FRMD5: variants seen among roughly 807,000 people sequenced by gnomAD.
FRMD5 encodes the protein FERM domain containing 5.
In FRMD5, 20 loss-of-function variants were observed where a neutral mutation model predicts 69.0. That is an observed-to-expected ratio of 0.29 (90% CI 0.20 to 0.42). The LOEUF (loss-of-function observed/expected upper bound fraction) is 0.42. FRMD5 is among the 10% of genes least tolerant of loss of function. FRMD5 has a pLI of 1.00. For missense variants in FRMD5, 595 were observed against 708.6 expected, an observed-to-expected ratio of 0.84 and a Z score of 1.82; for synonymous variants, 271 against 260.1, an observed-to-expected ratio of 1.04 and a Z score of -0.40.
At position 44,097,100 on chromosome 15, in the gene FRMD5, C is replaced by T. The variant is rs546700680; in HGVS notation, c.102+97853G>A. Among the ~76,000 whole-genome samples the T allele has an allele frequency of 2.0e-4, 31 of 152,294 alleles. 1 individual carries two copies. Among genetic ancestry groups the T allele is most frequent in the Non-Finnish European group, 8.8e-5 (6 of 68,036 alleles). On this transcript the variant is annotated intron_variant, in intron 1 of 13. Coordinates refer to ENST00000417257, the MANE Select transcript of FRMD5 (RefSeq NM_032892.5). ...AATGTAATGATGCAAAATTATAATG[C>T]TATCATTTTAGTATGGAACATGCAG... is the stretch of plus-strand genomic sequence containing the variant.
intron 5 of FRMD5, among the ~76,000 whole-genome samples, chr15:43,906,937 C>A (rs2089190924): frequency 6.6e-6 from 1 of 152,128 alleles, no homozygotes; most frequent in African/African-American, 2.4e-5. Flanking sequence ...TTCTCAAGTC[C>A]CTGCCAGGTG....
At chr15:44,135,823 CAAAA>C (rs747196640) in intron 1 of FRMD5, among the ~76,000 whole-genome samples, 1 of 70,936 alleles carries the variant, frequency 1.4e-5, no homozygotes, top group African/African-American at 4.3e-5. Context: ...GACTCTGTCT[CAAAA>C]AAAAAAAAAA....
At chr15:44,064,680 A>G (rs962003210) in intron 1 of FRMD5, among the ~76,000 whole-genome samples, 4 of 152,236 alleles carry the variant, frequency 2.6e-5, no homozygotes, top group East Asian at 1.9e-4. Context: ...TACTGAAATA[A>G]TATCAGAAAG....
chr15:43,944,643 G>A (rs2089914694), intron 1 of FRMD5, among the ~76,000 whole-genome samples: 1 of 151,718 alleles, frequency 6.6e-6, no homozygotes, highest in Admixed American at 6.6e-5. Context: ...AGGCTGGAGT[G>A]CAGTAGCATG....
Position 44,194,909 on chromosome 15 carries a change from G to T in FRMD5, c.102+44C>A, listed in dbSNP as rs969817845. On this transcript the variant is annotated intron_variant, in intron 1 of 13. Coordinates refer to ENST00000417257, the MANE Select transcript of FRMD5 (RefSeq NM_032892.5). Reference sequence around the variant, plus strand: ...CCGGCCAAGTTGACCAGACTTGGGGGACAAGGGGGTCCCGCGGGCGGGGCG... The same window carrying T: ...CCGGCCAAGTTGACCAGACTTGGGGTACAAGGGGGTCCCGCGGGCGGGGCG... 4 of 1,469,892 alleles carry T rather than the reference G, an allele frequency of 2.7e-6. No individual in the cohort carries two copies. In the African/African-American group the frequency reaches 5.7e-5, roughly 21 times the overall value. 91.1% of individuals were successfully genotyped at this position (1,469,892 alleles called of 1,614,324 possible). A position where few individuals can be genotyped will look rare whatever the true frequency, so the allele number is the denominator to read the frequency against.
In FRMD5 at chr15:43,905,930, G is replaced by A; in HGVS notation, c.449C>T (p.Ser150Leu). The A allele has an allele frequency of 6.2e-7, 1 of 1,614,190 alleles. No homozygotes were observed. The highest frequency in any genetic ancestry group is 8.5e-7 in the Non-Finnish European group (1 of 1,180,010). Residue 150 changes from serine (S) to leucine (L), a missense_variant, in exon 6 of 14, where the codon TCA becomes TTA. Ser to Leu is a moderately radical substitution (Grantham distance 145). Around this residue, in one of 5 missense-constraint regions of FRMD5, gnomAD observed 51 missense variants for 41.7 expected, o/e 1.22. Coordinates refer to ENST00000417257, the MANE Select transcript of FRMD5 (RefSeq NM_032892.5). ...ILQAEIGDYD[S>L]GKHPEGYSSK... ...GCTGTAGCCTTCAGGGTGTTTCCCT[G>A]AGTCATAATCCCCAATCTCCGCTTT...
At chr15:44,163,684 C>A (rs749581882) in intron 1 of FRMD5, among the ~76,000 whole-genome samples, 1 of 152,142 alleles carries the variant, frequency 6.6e-6, no homozygotes, top group Non-Finnish European at 1.5e-5. Flanking sequence ...CTGCATGAAA[C>A]AAAACGTCCA....
At chr15:44,028,731 C>A (rs1891548201) in intron 1 of FRMD5, among the ~76,000 whole-genome samples, 1 of 152,158 alleles carries the variant, frequency 6.6e-6, no homozygotes, top group Non-Finnish European at 1.5e-5. Flanking sequence ...CCTACAGCCA[C>A]ATATTTCAGC....
At chr15:43,973,868 C>A (rs1404480042) in intron 1 of FRMD5, among the ~76,000 whole-genome samples, 1 of 150,542 alleles carries the variant, frequency 6.6e-6, no homozygotes, top group Non-Finnish European at 1.5e-5. Flanking sequence ...TTCAAACATT[C>A]TCCTACTAAG....
At chr15:43,993,436 G>T (rs754066275) in intron 1 of FRMD5, among the ~76,000 whole-genome samples, 1 of 151,984 alleles carries the variant, frequency 6.6e-6, no homozygotes, top group Non-Finnish European at 1.5e-5. Context: ...CTCGTGATCC[G>T]CCCGCCTTGG....
At chr15:44,118,865 T>C (rs1179612901) in intron 1 of FRMD5, among the ~76,000 whole-genome samples, 1 of 152,176 alleles carries the variant, frequency 6.6e-6, no homozygotes, top group East Asian at 1.9e-4. Context: ...AGCCTCGACC[T>C]CCTGTGCTCA....
chr15:44,113,128 A>C (rs2140599821), intron 1 of FRMD5, among the ~76,000 whole-genome samples: 1 of 152,278 alleles, frequency 6.6e-6, no homozygotes, highest in Middle Eastern at 3.4e-3. Flanking sequence ...TCCCTCACAA[A>C]CAGGGTATGA....
intron 13 of FRMD5, among the ~76,000 whole-genome samples, chr15:43,878,781 C>T (rs1241205218): frequency 6.6e-6 from 1 of 152,148 alleles, no homozygotes; most frequent in Non-Finnish European, 1.5e-5. Flanking sequence ...CGATTACACC[C>T]CTCAGCTTGT....
chr15:43,990,089 G>C (rs1889598841), intron 1 of FRMD5: 1 of 682,382 alleles, frequency 1.5e-6, no homozygotes, highest in South Asian at 1.4e-5. Context: ...ACAATGAAGG[G>C]GAAGATGGCC....
intron 1 of FRMD5, among the ~76,000 whole-genome samples, chr15:44,138,807 C>T (rs2077223618): frequency 6.6e-6 from 1 of 152,076 alleles, no homozygotes; most frequent in African/African-American, 2.4e-5. Context: ...ATGGATGAAC[C>T]TTGAAAACAT....
At chr15:44,196,891 T>G (rs994331554), upstream of FRMD5, among the ~76,000 whole-genome samples, 1 of 152,082 alleles carries the variant, frequency 6.6e-6, no homozygotes, top group Non-Finnish European at 1.5e-5. Flanking sequence ...GATTCTCTTT[T>G]CAATGCAATT....
At chr15:44,054,852 A>G (rs1230455150) in intron 1 of FRMD5, among the ~76,000 whole-genome samples, 1 of 151,904 alleles carries the variant, frequency 6.6e-6, no homozygotes, top group Non-Finnish European at 1.5e-5. Flanking sequence ...CGGGCACATC[A>G]CGAGGTCAGG....
At chr15:44,046,683 T>C (rs145179775) in intron 1 of FRMD5, among the ~76,000 whole-genome samples, 122 of 152,356 alleles carry the variant, frequency 8.0e-4, no homozygotes, top group Middle Eastern at 3.4e-3. Context: ...TTTCCAAGAA[T>C]AGCAATGGTC....
At chr15:44,154,758 G>T (rs971777321) in intron 1 of FRMD5, among the ~76,000 whole-genome samples, 2 of 152,156 alleles carry the variant, frequency 1.3e-5, no homozygotes, top group Non-Finnish European at 2.9e-5. Context: ...AAGTAGATTA[G>T]TCATGCGGAA....
Sources: allele counts gnomAD v4.1 joint callset (sites outside exome capture counted in the v4.1 genomes callset), GRCh38; gene constraint gnomAD v4.1.1; regional missense constraint gnomAD v4.1.1; transcripts MANE v1.5; gene names NCBI Gene and HGNC (gene_info 2026-07-23, HGNC 2026-07-21).